Variants in LRP5 observed in about 807,000 individuals in gnomAD.
The protein encoded by LRP5 is low-density lipoprotein receptor-related protein 5.
LRP5 carries 62 observed loss-of-function variants against 154.1 expected under a neutral mutation model. The ratio of observed to expected loss-of-function variants is 0.40; its 90% CI spans 0.33 to 0.50. The LOEUF is 0.50. Among genes scored for constraint, LRP5 ranks in the 20% least tolerant of loss-of-function variants. The pLI, the probability that LRP5 is intolerant of heterozygous loss-of-function variation, is 0.55. For synonymous variants in LRP5, 966 were observed against 1,011.5 expected (o/e 0.96, Z 0.85); for missense variants, 1,915 against 2,336.7 (o/e 0.82, Z 3.72).
intron 7 of LRP5, among the ~76,000 whole-genome samples, chr11:68,395,672 A>G (rs1168136283): frequency 6.6e-6 from 1 of 151,802 alleles, no homozygotes; most frequent in Non-Finnish European, 1.5e-5. Context: ...CTGGTGGCGC[A>G]CTCTCTGGGA....
intron 15 of LRP5, 63 bp downstream of exon 15, chr11:68,425,355 A>C: frequency 6.6e-7 from 1 of 1,505,744 alleles, no homozygotes; most frequent in African/African-American, 1.4e-5. Flanking sequence ...TAATGGCAGC[A>C]GCTGCCACAT....
rs1324025808 is a variant in LRP5, at chr11:68,423,456, G to C, written c.3028-33G>C. ...CGCCAGTGCCCAGGGGTCTCCGCCA[G>C]TGCTCAGGAGTCTTGGTTTCTTTGT... On this transcript the variant is annotated intron_variant, in intron 13 of 22. Transcript: ENST00000294304. The surrounding 1 kb of genome is among the most constrained non-coding windows in gnomAD (Gnocchi z 4.7). The C allele has an allele frequency of 1.2e-6, 2 of 1,602,852 alleles. No individual in the cohort carries two copies. The highest frequency in any genetic ancestry group is 1.3e-5 in the African/African-American group (1 of 74,678).
chr11:68,402,709 C>T (rs1213533131), intron 7 of LRP5, among the ~76,000 whole-genome samples: 3 of 152,182 alleles, frequency 2.0e-5, no homozygotes, highest in African/African-American at 4.8e-5. Flanking sequence ...TGGAGCCCTC[C>T]GCCCATTGCT....
At position 68,431,484 on chromosome 11, in the gene LRP5, C is replaced by T. The variant is rs181351551; in HGVS notation, c.3763+1784C>T. ...TGAACTCCTGACCTCAGGTGATCCG[C>T]CCACCTCAGCCTCCCAAAGTGCAGG... On this transcript the variant is annotated intron_variant, in intron 17 of 22. Coordinates refer to ENST00000294304, the MANE Select transcript of LRP5 (RefSeq NM_002335.4). 1.2e-4 allele frequency among the ~76,000 whole-genome samples: 19 copies of T among 152,194 alleles called. No homozygotes were observed. The East Asian group carries it at 2.7e-3, about 22-fold the overall frequency.
intron 11 of LRP5, among the ~76,000 whole-genome samples, chr11:68,412,314 C>T (rs1337503549): frequency 1.3e-5 from 2 of 152,152 alleles, no homozygotes; most frequent in African/African-American, 2.4e-5. Context: ...CCCATCCCCC[C>T]TGCCAAGTTG....
intron 5 of LRP5, among the ~76,000 whole-genome samples, chr11:68,368,573 A>G (rs984009788): frequency 1.3e-5 from 2 of 152,182 alleles, no homozygotes; most frequent in African/African-American, 4.8e-5. Flanking sequence ...CGGTCCCCGC[A>G]AATTCTGTAA....
chr11:68,320,151 C>T (rs573408417), intron 1 of LRP5, among the ~76,000 whole-genome samples: 25 of 152,220 alleles, frequency 1.6e-4, no homozygotes, highest in Middle Eastern at 3.4e-3. Flanking sequence ...GGCAACAGAG[C>T]GAGACCCTGT....
chr11:68,301,505 T>C, the LRP5 span, among the ~76,000 whole-genome samples: 28 of 149,182 alleles, frequency 1.9e-4, 1 homozygote, highest in African/African-American at 6.3e-4. Flanking sequence ...AAAATAAATG[T>C]GATGTTGCCA....
rs555433956 is a variant in LRP5 at position 68,318,112 on chromosome 11, C to T, written c.91+5307C>T. On this transcript the variant is annotated intron_variant, in intron 1 of 22. Transcript: ENST00000294304. ...CTCTGTCGCCCAGGCTGGAGTGCAGCGGTGTGATCTCAGCTCACTGCAAGC... is the reference window on the plus strand; with the variant it reads ...CTCTGTCGCCCAGGCTGGAGTGCAGTGGTGTGATCTCAGCTCACTGCAAGC... Among the ~76,000 whole-genome samples the T allele has an allele frequency of 3.2e-4, 48 of 148,334 alleles. 1 individual carries two copies. In the South Asian group the frequency reaches 8.3e-3, roughly 26 times the overall value.
At position 68,413,725 on chromosome 11, in the gene LRP5, A is replaced by G; in HGVS notation, c.2540A>G (p.His847Arg). ...GTCGTGATTGCCGACGATCTCCCGC[A>G]CCCGTTCGGTCTGACGCAGTACAGC... is the stretch of plus-strand genomic sequence containing the variant. ...ERVVIADDLPHPFGLTQYSDY... is the reference protein window; with the variant it reads ...ERVVIADDLPRPFGLTQYSDY... Residue 847 changes from histidine to arginine, a missense_variant, in exon 12 of 23, where the codon CAC (histidine) becomes CGC (arginine). Around this residue, in one of 3 missense-constraint regions of LRP5, gnomAD observed 1,094 missense variants for 1,210.1 expected, o/e 0.90. Transcript: ENST00000294304. This position sits in a 1 kb window ranked among gnomAD's most constrained non-coding sequence, Gnocchi z 5.1. 3 of 1,613,618 alleles carry G rather than the reference A, an allele frequency of 1.9e-6. No homozygotes were observed. The highest frequency in any genetic ancestry group is 2.5e-6 in the Non-Finnish European group (3 of 1,179,962).
Position 68,403,635 on chromosome 11 carries a change from C to T in LRP5, c.1737C>T (p.Asp579=), listed in dbSNP as rs758798637. ...ERVHKVKASR[D]VIIDQLPDLM... Reference sequence around the variant, plus strand: ...TGCACAAGGTCAAGGCCAGCCGGGACGTCATCATTGACCAGCTGCCCGACC... The same window carrying T: ...TGCACAAGGTCAAGGCCAGCCGGGATGTCATCATTGACCAGCTGCCCGACC... Residue 579 remains aspartate (D), a synonymous_variant, in exon 8 of 23, where the codon GAC becomes GAT. Coordinates refer to ENST00000294304, the MANE Select transcript of LRP5 (RefSeq NM_002335.4). The T allele has an allele frequency of 9.3e-6, 15 of 1,614,066 alleles. No homozygotes were observed. The highest frequency in any genetic ancestry group is 6.7e-5 in the African/African-American group (5 of 74,946).
rs116751731 is a variant in LRP5, at chr11:68,376,072, G to A, written c.1016-10244G>A. Among the ~76,000 whole-genome samples the A allele has an allele frequency of 9.8e-3, 1,487 of 152,064 alleles. 28 individuals are homozygous for A. Among genetic ancestry groups the A allele is most frequent in the African/African-American group, 0.034 (1,414 of 41,456 alleles). On this transcript the variant is annotated intron_variant, in intron 5 of 22. Coordinates refer to ENST00000294304, the MANE Select transcript of LRP5 (RefSeq NM_002335.4). Reference sequence around the variant, plus strand: ...AGGCGGGGTGGGTGACAAAAGTAACGTTTCTTGGGGGCCACTGCAGCGGTC... The same window carrying A: ...AGGCGGGGTGGGTGACAAAAGTAACATTTCTTGGGGGCCACTGCAGCGGTC...
chr11:68,444,484 T>G (rs1010234709), intron 21 of LRP5, among the ~76,000 whole-genome samples: 2 of 151,650 alleles, frequency 1.3e-5, no homozygotes, highest in African/African-American at 2.4e-5. Context: ...GCCATTGTAC[T>G]CCAGCCTGGG....
At chr11:68,363,593 G>T (rs1325064627) in intron 3 of LRP5, among the ~76,000 whole-genome samples, 154 bp from the exon 4 acceptor site, 7 of 151,678 alleles carry the variant, frequency 4.6e-5, no homozygotes, top group African/African-American at 1.7e-4. Context: ...GGAGGCGGAG[G>T]TTGCAGTGAG....
chr11:68,380,379 G>C (rs1311894855), intron 5 of LRP5, among the ~76,000 whole-genome samples: 3 of 152,212 alleles, frequency 2.0e-5, no homozygotes, highest in Non-Finnish European at 4.4e-5. Context: ...GCTTCCTACA[G>C]CTGCGGCAGA....
intron 5 of LRP5, among the ~76,000 whole-genome samples, chr11:68,385,135 TTTTA>T (rs879316604): frequency 4.6e-5 from 7 of 152,172 alleles, no homozygotes; most frequent in Non-Finnish European, 7.3e-5. Context: ...GAGAGGGGGC[TTTTA>T]TTTGAGACCA....
At chr11:68,372,813 TCA>T (rs1351270653) in intron 5 of LRP5, among the ~76,000 whole-genome samples, 1 of 151,862 alleles carries the variant, frequency 6.6e-6, no homozygotes, top group Non-Finnish European at 1.5e-5. Flanking sequence ...GGAGCACGGC[TCA>T]CACGGCCAGC....
At chr11:68,433,885 T>C in intron 18 of LRP5, 47 bp downstream of exon 18, 1 of 1,569,646 alleles carries the variant, frequency 6.4e-7, no homozygotes, top group Non-Finnish European at 8.7e-7. Context: ...GGCCCTGCCC[T>C]CCGGGATACG....
In LRP5 at chr11:68,439,905, C is replaced by T; in HGVS notation, c.4477C>T (p.Leu1493=). 1.4e-6 allele frequency: 2 copies of T among 1,435,928 alleles called. No homozygotes were observed. The highest frequency in any genetic ancestry group is 1.8e-6 in the Non-Finnish European group (2 of 1,084,776). 88.9% of individuals were successfully genotyped at this position (1,435,928 alleles called of 1,614,324 possible). Residue 1493 remains leucine (L), a synonymous_variant, in exon 21 of 23, where the codon CTG becomes TTG. Coordinates refer to ENST00000294304, the MANE Select transcript of LRP5 (RefSeq NM_002335.4). The part of the protein sequence containing the change: ...SSSSSSTKAT[L]YPPILNPPPS... ...CAGCTCGTCCAGCACGAAGGCCACG[C>T]TGTACCCGCCGGTGAGGGGCGGGGC...
Sources: allele counts gnomAD v4.1 joint callset (sites outside exome capture counted in the v4.1 genomes callset), GRCh38; gene constraint gnomAD v4.1.1; regional missense constraint gnomAD v4.1.1; non-coding constraint Gnocchi (gnomAD v3.1); transcripts MANE v1.5; gene names NCBI Gene and HGNC (gene_info 2026-07-23, HGNC 2026-07-21).